Variants in CFAP77 observed in about 807,000 individuals in gnomAD.
CFAP77 encodes cilia- and flagella-associated protein 77.
In CFAP77, 25 loss-of-function variants were observed where a neutral mutation model predicts 31.1. That is an observed-to-expected ratio of 0.80 (90% CI 0.59 to 1.12). The LOEUF (loss-of-function observed/expected upper bound fraction) is 1.12, where lower values mean the gene tolerates loss of function less well. Ranked by LOEUF, CFAP77 falls within the 50% of genes most tolerant of loss-of-function variation. The pLI is 0.00. For synonymous variants in CFAP77, 151 were observed against 159.9 expected (o/e 0.94, Z 0.42); for missense variants, 377 against 397.3 (o/e 0.95, Z 0.44).
intron 1 of CFAP77, among the ~76,000 whole-genome samples, chr9:132,472,809 C>T (rs923538251): frequency 9.2e-5 from 14 of 152,154 alleles, no homozygotes; most frequent in African/African-American, 3.4e-4. Context: ...CTCGGATTAA[C>T]TCAGTGTTTG....
chr9:132,486,016 A>ATGTGTGTG lies in CFAP77; in HGVS notation c.196-12678_196-12677insGTGTGTGT, dbSNP rs1452765012. 4.9e-4 allele frequency among the ~76,000 whole-genome samples: 8 copies of ATGTGTGTG among 16,356 alleles called. 1 individual carries two copies. Among genetic ancestry groups the ATGTGTGTG allele is most frequent in the African/African-American group, 3.6e-3 (8 of 2,226 alleles). The allele number at this position is 16,356 out of a possible 152,430, so 10.7% of individuals were successfully genotyped here. A position where few individuals can be genotyped will look rare whatever the true frequency, so the allele number is the denominator to read the frequency against. ...TATATATATATATATATATATATAT[A>ATGTGTGTG]TATATATATATATATATATATATAT... On this transcript the variant is annotated intron_variant, in intron 1 of 5. Coordinates refer to ENST00000393216, the MANE Select transcript of CFAP77 (RefSeq NM_001282957.2).
chr9:132,494,709 G>A (rs941804587), intron 1 of CFAP77, among the ~76,000 whole-genome samples: 1 of 152,166 alleles, frequency 6.6e-6, no homozygotes, highest in Non-Finnish European at 1.5e-5. Context: ...CCAAGTGCAT[G>A]AGTATACCAG....
intron 1 of CFAP77, among the ~76,000 whole-genome samples, chr9:132,440,869 T>C (rs2131702280): frequency 6.6e-6 from 1 of 152,312 alleles, no homozygotes; most frequent in African/African-American, 2.4e-5. Flanking sequence ...TGCCCTATTT[T>C]ACATAGACAC....
chr9:132,486,024 A>ATATATGTATG (rs1851539010), intron 1 of CFAP77, among the ~76,000 whole-genome samples: 2 of 43,350 alleles, frequency 4.6e-5, no homozygotes, highest in Non-Finnish European at 7.2e-5. Flanking sequence ...ATATATATAT[A>ATATATGTATG]TATATATATA....
intron 1 of CFAP77, among the ~76,000 whole-genome samples, chr9:132,417,202 C>T (rs1850120423): frequency 1.3e-5 from 2 of 151,322 alleles, no homozygotes; most frequent in African/African-American, 4.9e-5. Flanking sequence ...GCAACGTCTG[C>T]CTCCCAGGTT....
intron 1 of CFAP77, among the ~76,000 whole-genome samples, chr9:132,493,979 A>G (rs1007284469): frequency 6.7e-6 from 1 of 148,784 alleles, no homozygotes; most frequent in Non-Finnish European, 1.5e-5. Context: ...TGGTTCAATC[A>G]TGGCTCACTG....
At chr9:132,469,449 C>T (rs1361663319) in intron 1 of CFAP77, among the ~76,000 whole-genome samples, 1 of 152,064 alleles carries the variant, frequency 6.6e-6, no homozygotes, top group Non-Finnish European at 1.5e-5. Context: ...AAATAAATAG[C>T]TGTGGTGTAG....
rs776042222 is a variant in CFAP77, at chr9:132,410,494, C to A, written c.195+28C>A. The A allele has an allele frequency of 2.2e-5, 33 of 1,523,330 alleles. No individual in the cohort carries two copies. The Admixed American group carries it at 7.8e-4, about 36-fold the overall frequency. 94.4% of individuals were successfully genotyped at this position (1,523,330 alleles called of 1,614,324 possible). On this transcript the variant is annotated intron_variant, in intron 1 of 5. Coordinates refer to ENST00000393216, the MANE Select transcript of CFAP77 (RefSeq NM_001282957.2). ...GAGCACCCCACGCCCACCGCGCTTT[C>A]GCTGTCGCCGGCTCCGGGCACCTGC... is the stretch of plus-strand genomic sequence containing the variant.
chr9:132,561,663 C>G (rs4962190), intron 5 of CFAP77, among the ~76,000 whole-genome samples: 1 of 50,700 alleles, frequency 2.0e-5, no homozygotes, highest in African/African-American at 1.3e-4. Context: ...ACACACACAC[C>G]CCCTCCATGT....
intron 1 of CFAP77, among the ~76,000 whole-genome samples, chr9:132,468,152 G>C (rs1339315609): frequency 1.3e-5 from 2 of 152,052 alleles, no homozygotes; most frequent in Non-Finnish European, 2.9e-5. Context: ...AGACCAGCCT[G>C]GTCAACATGG....
At chr9:132,484,103 AT>A (rs1399288522) in intron 1 of CFAP77, among the ~76,000 whole-genome samples, 1 of 151,590 alleles carries the variant, frequency 6.6e-6, no homozygotes, top group East Asian at 1.9e-4. Flanking sequence ...CACCCGGCTA[AT>A]TTTTTTGTAT....
At chr9:132,423,363 C>A (rs1335443710) in intron 1 of CFAP77, among the ~76,000 whole-genome samples, 1 of 152,192 alleles carries the variant, frequency 6.6e-6, no homozygotes, top group Non-Finnish European at 1.5e-5. Context: ...CCAGGAGGCT[C>A]CTGGCTGTAG....
chr9:132,493,735 G>A (rs889762063), intron 1 of CFAP77, among the ~76,000 whole-genome samples: 2 of 152,258 alleles, frequency 1.3e-5, no homozygotes, highest in South Asian at 2.1e-4. Context: ...ATGGAGGAGC[G>A]CACCCCTTGT....
rs1851779997 is a variant in CFAP77, at chr9:132,498,396, G to A, written c.196-299G>A. ...GCTGCACCCCAAACACAGCGGCTCA[G>A]CTCGGGGACTGTGCTCCCCACTCCA... is the stretch of plus-strand genomic sequence containing the variant. On this transcript the variant is annotated intron_variant, in intron 1 of 5. Coordinates refer to ENST00000393216, the MANE Select transcript of CFAP77 (RefSeq NM_001282957.2). The surrounding 1 kb of genome is among the most constrained non-coding windows in gnomAD (Gnocchi z 4.2). 6.6e-6 allele frequency among the ~76,000 whole-genome samples: 1 copy of A among 152,178 alleles called. No individual in the cohort carries two copies. The highest frequency in any genetic ancestry group is 6.5e-5 in the Admixed American group (1 of 15,288).
At chr9:132,416,605 A>T (rs1302267485) in intron 1 of CFAP77, among the ~76,000 whole-genome samples, 2 of 147,612 alleles carry the variant, frequency 1.4e-5, no homozygotes, top group Non-Finnish European at 3.0e-5. Flanking sequence ...AGGCTCCCAA[A>T]GTGCTGGGAT....
At position 132,532,007 on chromosome 9, in the gene CFAP77, A is replaced by T. The variant is rs187842242; in HGVS notation, c.525-5594A>T. ...TTGGGGTAGATATTTTCAGATTATG[A>T]ATCTAGTGTCATTAGAAAACACAGC... is the stretch of plus-strand genomic sequence containing the variant. On this transcript the variant is annotated intron_variant, in intron 3 of 5. Transcript: ENST00000393216. 3.6e-3 allele frequency among the ~76,000 whole-genome samples: 544 copies of T among 152,292 alleles called. 5 individuals are homozygous for T. The highest frequency in any genetic ancestry group is 0.013 in the African/African-American group (520 of 41,568).
intron 3 of CFAP77, among the ~76,000 whole-genome samples, chr9:132,518,359 C>T (rs1308109205): frequency 6.6e-6 from 1 of 152,178 alleles, no homozygotes; most frequent in Non-Finnish European, 1.5e-5. Context: ...TTCAGACCCG[C>T]CTTGGAGCCG....
chr9:132,435,077 G>A (rs557811157), intron 1 of CFAP77, among the ~76,000 whole-genome samples: 1 of 152,158 alleles, frequency 6.6e-6, no homozygotes, highest in Non-Finnish European at 1.5e-5. Context: ...CCTTTCTTCC[G>A]CCGCCTTGGA....
At chr9:132,560,676 C>T (rs1852980914) in intron 5 of CFAP77, among the ~76,000 whole-genome samples, 1 of 152,190 alleles carries the variant, frequency 6.6e-6, no homozygotes, top group African/African-American at 2.4e-5. Flanking sequence ...CCAGTTGGGG[C>T]TCTGTCACTT....
Sources: gnomAD v4.1 joint callset for allele counts (sites outside exome capture counted in the v4.1 genomes callset) on GRCh38, gnomAD v4.1.1 for gene constraint, Gnocchi (gnomAD v3.1) non-coding constraint, MANE v1.5 for transcripts, NCBI Gene and HGNC (gene_info 2026-07-23, HGNC 2026-07-21) for gene names.